The following PTPRO variants were observed in gnomAD, a reference collection of about 807,000 sequenced individuals.
PTPRO encodes the protein receptor-type tyrosine-protein phosphatase O.
In PTPRO, 62 loss-of-function variants were observed where a neutral mutation model predicts 145.2. The observed-to-expected ratio is 0.43, with a 90% CI of 0.35 to 0.53. PTPRO has a LOEUF of 0.53. Ranked by LOEUF, PTPRO falls within the 20% of genes least tolerant of loss-of-function variation. PTPRO has a pLI of 0.01. For missense variants in PTPRO, 1,345 were observed against 1,482.7 expected (o/e 0.91, Z 1.53); for synonymous variants, 565 against 514.7 (o/e 1.10, Z -1.32).
intron 16 of PTPRO, among the ~76,000 whole-genome samples, chr12:15,558,178 C>T (rs1943686729): frequency 1.3e-5 from 2 of 152,110 alleles, no homozygotes; most frequent in South Asian, 4.1e-4. Flanking sequence ...AAGTGATCCT[C>T]CCACCTCGGC....
In PTPRO at chr12:15,322,906, C is replaced by T; in HGVS notation, c.75+105C>T. ...GCGGCGCGCCCCAGGGCACGATGGC[C>T]CAGCCGCGGGAAGCGCCTGCCGTGC... On this transcript the variant is annotated intron_variant, in intron 1 of 26. Transcript: ENST00000281171. The surrounding 1 kb of genome is among the most constrained non-coding windows in gnomAD (Gnocchi z 6.3). 1 of 1,172,106 alleles carries T rather than the reference C, an allele frequency of 8.5e-7. No homozygotes were observed. The highest frequency in any genetic ancestry group is 2.4e-5 in the Admixed American group (1 of 41,576). 72.6% of individuals were successfully genotyped at this position (1,172,106 alleles called of 1,614,324 possible). A position where few individuals can be genotyped will look rare whatever the true frequency, so the allele number is the denominator to read the frequency against.
At chr12:15,529,278 A>T (rs1285971173) in intron 12 of PTPRO, among the ~76,000 whole-genome samples, 1 of 152,156 alleles carries the variant, frequency 6.6e-6, no homozygotes, top group Non-Finnish European at 1.5e-5. Flanking sequence ...AGAGAGATGA[A>T]GTTAAATTTT....
chr12:15,492,285 T>A (rs187739780), intron 2 of PTPRO, among the ~76,000 whole-genome samples: 9 of 152,128 alleles, frequency 5.9e-5, no homozygotes, highest in Admixed American at 5.2e-4. Context: ...AAGATAGATA[T>A]CAAAACAACG....
intron 1 of PTPRO, among the ~76,000 whole-genome samples, chr12:15,480,863 T>C (rs933104672): frequency 1.3e-5 from 2 of 152,278 alleles, no homozygotes; most frequent in South Asian, 4.1e-4. Flanking sequence ...GCCAATTCTG[T>C]CAAGTGTCAA....
At chr12:15,480,353 T>C (rs1191304545) in intron 1 of PTPRO, among the ~76,000 whole-genome samples, 3 of 152,236 alleles carry the variant, frequency 2.0e-5, no homozygotes, top group African/African-American at 4.8e-5. Flanking sequence ...TATTATGTTA[T>C]AAAGGCTGTA....
intron 20 of PTPRO, among the ~76,000 whole-genome samples, chr12:15,579,782 A>G (rs1944269686): frequency 6.6e-6 from 1 of 152,184 alleles, no homozygotes; most frequent in African/African-American, 2.4e-5. Context: ...TACTCTGAAC[A>G]ACACCTAAAC....
intron 12 of PTPRO, among the ~76,000 whole-genome samples, chr12:15,530,991 A>G (rs1565688234): frequency 6.6e-6 from 1 of 152,124 alleles, no homozygotes; most frequent in African/African-American, 2.4e-5. Flanking sequence ...TGAGAAAAAA[A>G]GAGAGAAGAC....
intron 1 of PTPRO, among the ~76,000 whole-genome samples, chr12:15,449,337 C>T (rs1332973557): frequency 2.6e-5 from 4 of 152,214 alleles, no homozygotes; most frequent in African/African-American, 9.6e-5. Context: ...GACTTTTAAG[C>T]TAGGTTACAG....
intron 1 of PTPRO, among the ~76,000 whole-genome samples, chr12:15,420,897 C>CTTT (rs1336357819): frequency 2.0e-5 from 3 of 152,172 alleles, no homozygotes; most frequent in Admixed American, 6.5e-5. Context: ...CACTTAGTGT[C>CTTT]TACCACATAC....
chr12:15,406,072 TG>T (rs1041114011), intron 1 of PTPRO, among the ~76,000 whole-genome samples: 3 of 152,216 alleles, frequency 2.0e-5, no homozygotes, highest in African/African-American at 7.2e-5. Context: ...TTGGTCAAGT[TG>T]TCTTTGGCCT....
chr12:15,450,382 C>G (rs1941014185), intron 1 of PTPRO, among the ~76,000 whole-genome samples: 1 of 152,172 alleles, frequency 6.6e-6, no homozygotes, highest in Non-Finnish European at 1.5e-5. Context: ...GCCCTTCATC[C>G]TGTGTTGGCC....
rs539765361 is a variant in PTPRO, at chr12:15,416,912, T to A, written c.76-67062T>A. On this transcript the variant is annotated intron_variant, in intron 1 of 26. Transcript: ENST00000281171. ...AATAATAGAAAATCAATATACTGTATGGGGAGAAGTGGAAAAGTGCCTGGA... is the reference window on the plus strand; with the variant it reads ...AATAATAGAAAATCAATATACTGTAAGGGGAGAAGTGGAAAAGTGCCTGGA... Among the ~76,000 whole-genome samples, 2 of 151,688 alleles carry A rather than the reference T, an allele frequency of 1.3e-5. 1 individual carries two copies. The highest frequency in any genetic ancestry group is 4.9e-5 in the African/African-American group (2 of 40,986).
At chr12:15,335,902 A>G (rs1468806945) in intron 1 of PTPRO, among the ~76,000 whole-genome samples, 1 of 152,178 alleles carries the variant, frequency 6.6e-6, no homozygotes, top group African/African-American at 2.4e-5. Flanking sequence ...TTGAGAAACT[A>G]ATGAGAATCT....
intron 7 of PTPRO, among the ~76,000 whole-genome samples, chr12:15,514,682 T>G (rs1942539102): frequency 6.6e-6 from 1 of 152,076 alleles, no homozygotes; most frequent in Non-Finnish European, 1.5e-5. Flanking sequence ...TCTCTGGCTT[T>G]ACTTTATTTA....
At position 15,552,946 on chromosome 12, in the gene PTPRO, C is replaced by T. The variant is rs1161973100; in HGVS notation, c.2558+1275C>T. ...TCCTGAATAGCTGGGATTACAGGCA[C>T]GCACCACTAGGCCTAGTTAATTTTT... On this transcript the variant is annotated intron_variant, in intron 15 of 26. Coordinates refer to ENST00000281171, the MANE Select transcript of PTPRO (RefSeq NM_030667.3). 4.0e-5 allele frequency among the ~76,000 whole-genome samples: 6 copies of T among 151,794 alleles called. No homozygotes were observed. The East Asian group carries it at 5.8e-4, about 15-fold the overall frequency.
At chr12:15,557,013 T>C (rs1813948831) in intron 15 of PTPRO, among the ~76,000 whole-genome samples, 1 of 151,560 alleles carries the variant, frequency 6.6e-6, no homozygotes, top group Non-Finnish European at 1.5e-5. Flanking sequence ...ATGGAACTTC[T>C]ATTAGCTTCT....
chr12:15,490,522 A>T (rs904957036), intron 2 of PTPRO, among the ~76,000 whole-genome samples: 12 of 152,172 alleles, frequency 7.9e-5, no homozygotes, highest in African/African-American at 2.9e-4. Flanking sequence ...TAGGCACAAC[A>T]TCTAAAAATG....
chr12:15,493,227 A>G (rs1002619165), intron 2 of PTPRO, among the ~76,000 whole-genome samples: 1 of 152,168 alleles, frequency 6.6e-6, no homozygotes, highest in Non-Finnish European at 1.5e-5. Flanking sequence ...CTGTCTACCT[A>G]GAATTTTATA....
At chr12:15,585,671 C>A (rs532919423) in intron 23 of PTPRO, among the ~76,000 whole-genome samples, 1 of 152,264 alleles carries the variant, frequency 6.6e-6, no homozygotes, top group East Asian at 1.9e-4. Flanking sequence ...GACAGCGAGG[C>A]CAAGCTTCCC....
Sources: gnomAD v4.1 joint callset for allele counts (sites outside exome capture counted in the v4.1 genomes callset) on GRCh38, gnomAD v4.1.1 for gene constraint, Gnocchi (gnomAD v3.1) non-coding constraint, MANE v1.5 for transcripts, NCBI Gene and HGNC (gene_info 2026-07-23, HGNC 2026-07-21) for gene names.